The following BTLA variants were observed in gnomAD, a reference collection of about 807,000 sequenced individuals.
BTLA encodes the protein B and T lymphocyte associated.
Under a neutral mutation model 25.0 loss-of-function variants are expected in BTLA, and 11 were observed. The observed-to-expected ratio is 0.44, with a 90% CI of 0.28 to 0.73. The LOEUF is 0.73. Ranked by LOEUF, BTLA falls within the 30% of genes least tolerant of loss-of-function variation. BTLA has a pLI of 0.15. For synonymous variants in BTLA, 104 were observed against 119.8 expected (o/e 0.87, Z 0.86); for missense variants, 282 against 332.8 (o/e 0.85, Z 1.19).
intron 1 of BTLA, among the ~76,000 whole-genome samples, chr3:112,497,121 AAACTC>A (rs1163687504): frequency 6.6e-6 from 1 of 152,230 alleles, no homozygotes; most frequent in Admixed American, 6.5e-5. Flanking sequence ...TTAACTTTAA[AAACTC>A]AACTATTTTA....
chr3:112,487,196 G>T (rs58720291), intron 1 of BTLA, among the ~76,000 whole-genome samples: 3,200 of 152,306 alleles, frequency 0.021, 83 homozygotes, highest in African/African-American at 0.061. Context: ...AAACTCAACA[G>T]TAACCATAGT....
chr3:112,471,562 CTT>C (rs2082262246), intron 2 of BTLA, among the ~76,000 whole-genome samples: 3 of 152,314 alleles, frequency 2.0e-5, no homozygotes, highest in Admixed American at 1.3e-4. Context: ...GATAATTTAT[CTT>C]TTGCAGAAAT....
intron 1 of BTLA, among the ~76,000 whole-genome samples, chr3:112,496,042 A>G (rs2082407494): frequency 1.3e-5 from 2 of 152,178 alleles, no homozygotes; most frequent in Non-Finnish European, 2.9e-5. Context: ...AATCAATCAA[A>G]CAGTTCCAAC....
intron 1 of BTLA, among the ~76,000 whole-genome samples, chr3:112,488,198 A>G (rs1282387568): frequency 6.7e-6 from 1 of 148,688 alleles, no homozygotes. Context: ...AATTCTCCAC[A>G]TCACTGTCAC....
intron 1 of BTLA, among the ~76,000 whole-genome samples, chr3:112,493,284 G>T (rs1236422705): frequency 1.3e-5 from 2 of 152,082 alleles, no homozygotes; most frequent in African/African-American, 4.8e-5. Context: ...AAGTCTTCAT[G>T]ACATAAATGC....
intron 1 of BTLA, among the ~76,000 whole-genome samples, chr3:112,492,542 T>C (rs2082385761): frequency 6.6e-6 from 1 of 152,254 alleles, no homozygotes; most frequent in African/African-American, 2.4e-5. Context: ...GTGTGGCTTA[T>C]GTATTATGAT....
Position 112,464,014 on chromosome 3 carries a change from C to T in BTLA, c.*2094G>A, listed in dbSNP as rs751396492. 38 of 389,866 alleles carry T rather than the reference C, an allele frequency of 9.7e-5. No homozygotes were observed. The highest frequency in any genetic ancestry group is 1.3e-4 in the Admixed American group (3 of 22,446). The allele number at this position is 389,866 out of a possible 1,614,324, so 24.2% of individuals were successfully genotyped here. ...ACTTTACCTTCTCATTGAGCACAATCACAAGCTTAAAATTTGTGAAAAACC... is the reference window on the plus strand; with the variant it reads ...ACTTTACCTTCTCATTGAGCACAATTACAAGCTTAAAATTTGTGAAAAACC... On this transcript the variant is annotated 3_prime_UTR_variant, in exon 5 of 5. Transcript: ENST00000334529.
chr3:112,495,450 A>G (rs1359784953), intron 1 of BTLA, among the ~76,000 whole-genome samples: 3 of 152,230 alleles, frequency 2.0e-5, no homozygotes, highest in Non-Finnish European at 4.4e-5. Context: ...CAACTTTACA[A>G]TAGAGGAAAC....
At chr3:112,497,358 A>T (rs2107344088) in intron 1 of BTLA, among the ~76,000 whole-genome samples, 1 of 152,318 alleles carries the variant, frequency 6.6e-6, no homozygotes, top group South Asian at 2.1e-4. Context: ...AAGAGAAGAG[A>T]AGAGACTTAA....
chr3:112,480,487 G>A (rs983827347), intron 1 of BTLA, among the ~76,000 whole-genome samples: 3 of 152,164 alleles, frequency 2.0e-5, no homozygotes, highest in Non-Finnish European at 4.4e-5. Flanking sequence ...GTTTTATTTG[G>A]CTCATGGCTC....
chr3:112,488,228 CTTTT>C (rs546779181), intron 1 of BTLA, among the ~76,000 whole-genome samples: 1 of 124,844 alleles, frequency 8.0e-6, no homozygotes, highest in Non-Finnish European at 1.6e-5. Context: ...TTTCTTTTTT[CTTTT>C]TTTTTTTTTT....
At chr3:112,480,518 A>G (rs778125041) in intron 1 of BTLA, among the ~76,000 whole-genome samples, 4 of 152,216 alleles carry the variant, frequency 2.6e-5, no homozygotes, top group African/African-American at 4.8e-5. Context: ...GAAGTCCAAG[A>G]GCATGGTGCC....
intron 2 of BTLA, among the ~76,000 whole-genome samples, chr3:112,478,555 G>A (rs1039834629): frequency 6.6e-6 from 1 of 152,048 alleles, no homozygotes; most frequent in African/African-American, 2.4e-5. Context: ...CTACACATAA[G>A]TTCATGCCAT....
chr3:112,483,293 C>T lies in BTLA; in HGVS notation c.89-3524G>A, dbSNP rs555159748. Among the ~76,000 whole-genome samples the T allele has an allele frequency of 1.6e-4, 25 of 151,746 alleles. No individual in the cohort carries two copies. In the South Asian group the frequency reaches 2.1e-3, roughly 13 times the overall value. ...CCTCCCGGGTAACTGGGATTACAGG[C>T]GCCCACCACCACGCCCAGCTGATTT... On this transcript the variant is annotated intron_variant, in intron 1 of 4. Coordinates refer to ENST00000334529, the MANE Select transcript of BTLA (RefSeq NM_181780.4).
chr3:112,485,170 C>T (rs904341092), intron 1 of BTLA, among the ~76,000 whole-genome samples: 4 of 151,118 alleles, frequency 2.6e-5, no homozygotes, highest in East Asian at 2.0e-4. Flanking sequence ...TCAGCCTCCC[C>T]GGTGGCTGGG....
In BTLA at chr3:112,495,365, C is replaced by T. The variant is rs183639129; in HGVS notation, c.88+3906G>A. Among the ~76,000 whole-genome samples the T allele has an allele frequency of 4.6e-5, 7 of 152,252 alleles. No individual in the cohort carries two copies. In the East Asian group the frequency reaches 1.2e-3, roughly 25 times the overall value. ...TTTCTTTTAACAATTCTGAACTCTA[C>T]ATAAAGATGAAACTCACAAATAATG... On this transcript the variant is annotated intron_variant, in intron 1 of 4. Coordinates refer to ENST00000334529, the MANE Select transcript of BTLA (RefSeq NM_181780.4).
rs1291846103 is a variant in BTLA at position 112,465,690 on chromosome 3, A to T, written c.*418T>A. The T allele has an allele frequency of 1.3e-5, 2 of 154,374 alleles. No homozygotes were observed. Among genetic ancestry groups the T allele is most frequent in the Admixed American group, 1.3e-4 (2 of 15,322 alleles). The allele number at this position is 154,374 out of a possible 1,614,324, so 9.6% of individuals were successfully genotyped here. On this transcript the variant is annotated 3_prime_UTR_variant, in exon 5 of 5. Transcript: ENST00000334529. The stretch of plus-strand genomic sequence containing the variant: ...GAAATATACAATCATTACTGTATTT[A>T]TGGTTGGTTAGTCAAATTGGGACAT...
At chr3:112,494,329 C>T (rs1309977269) in intron 1 of BTLA, among the ~76,000 whole-genome samples, 3 of 152,110 alleles carry the variant, frequency 2.0e-5, no homozygotes, top group African/African-American at 7.2e-5. Context: ...TTAGTTCAAC[C>T]ATTGTGGAAG....
At chr3:112,493,451 C>T (rs1462097098) in intron 1 of BTLA, among the ~76,000 whole-genome samples, 4 of 151,628 alleles carry the variant, frequency 2.6e-5, no homozygotes, top group Admixed American at 1.3e-4. Context: ...AATAAGTTTA[C>T]AAGAAAAAAA....
Sources: allele counts gnomAD v4.1 joint callset (sites outside exome capture counted in the v4.1 genomes callset), GRCh38; gene constraint gnomAD v4.1.1; transcripts MANE v1.5; gene names NCBI Gene and HGNC (gene_info 2026-07-23, HGNC 2026-07-21).